The following COL6A6 variants were observed in gnomAD, a reference collection of about 807,000 sequenced individuals.
COL6A6 encodes collagen alpha-6(VI) chain.
In COL6A6, 183 loss-of-function variants were observed where a neutral mutation model predicts 208.6. The ratio of observed to expected loss-of-function variants is 0.88; its 90% confidence interval spans 0.78 to 0.99. The LOEUF (loss-of-function observed/expected upper bound fraction) is 0.99, where lower values mean the gene tolerates loss of function less well. Ranked by LOEUF, COL6A6 falls within the 50% of genes least tolerant of loss-of-function variation. The pLI is 0.00. For missense variants in COL6A6, 2,816 were observed against 2,815.2 expected (o/e 1.00, Z -0.01); for synonymous variants, 973 against 1,011.8 (o/e 0.96, Z 0.73).
rs566858319 is a variant in COL6A6 at position 130,562,554 on chromosome 3, T to C, written c.65-514T>C. 3.9e-5 allele frequency among the ~76,000 whole-genome samples: 6 copies of C among 152,320 alleles called. 1 individual carries two copies. In the South Asian group the frequency reaches 1.2e-3, roughly 32 times the overall value. ...TGTTTGGAATGTACAACTTATATGGTTTTAAGTTAATCAGATAAACTGTTG... is the reference window on the plus strand; with the variant it reads ...TGTTTGGAATGTACAACTTATATGGCTTTAAGTTAATCAGATAAACTGTTG... On this transcript the variant is annotated intron_variant, in intron 2 of 36. Transcript: ENST00000358511.
chr3:130,649,606 G>A (rs1309101282), intron 33 of COL6A6, 44 bp downstream of exon 33: 1 of 1,498,478 alleles, frequency 6.7e-7, no homozygotes, highest in African/African-American at 1.4e-5. Context: ...TACTTATCTT[G>A]CCTGTATTCA....
At chr3:130,557,916 TA>T (rs926480575) in intron 1 of COL6A6, among the ~76,000 whole-genome samples, 7 of 152,188 alleles carry the variant, frequency 4.6e-5, no homozygotes, top group African/African-American at 1.7e-4. Flanking sequence ...CTAGATTTTT[TA>T]AAAAGACCTT....
Position 130,567,085 on chromosome 3 carries a change from C to A in COL6A6, c.1666C>A (p.Pro556Thr). Reference protein sequence around the residue: ...NGMSKDSILEPANRLREEHIR... With the variant: ...NGMSKDSILETANRLREEHIR... ...CATGTCCAAGGATAGCATCTTGGAGCCTGCAAACAGACTGAGAGAAGAGCA... is the reference window on the plus strand; with the variant it reads ...CATGTCCAAGGATAGCATCTTGGAGACTGCAAACAGACTGAGAGAAGAGCA... The change falls in exon 5 of 37, where the codon CCT becomes ACT. Residue 556 changes from proline (P) to threonine (T), a missense_variant. Pro to Thr is a conservative substitution (Grantham distance 38). Coordinates refer to ENST00000358511, the MANE Select transcript of COL6A6 (RefSeq NM_001102608.3). 1 of 1,613,856 alleles carries A rather than the reference C, an allele frequency of 6.2e-7. No individual in the cohort carries two copies. The highest frequency in any genetic ancestry group is 8.5e-7 in the Non-Finnish European group (1 of 1,179,874).
intron 1 of COL6A6, among the ~76,000 whole-genome samples, chr3:130,519,538 T>G (rs115669619): frequency 0.17 from 25,622 of 152,074 alleles, 2,408 homozygotes; most frequent in East Asian, 0.37. Context: ...GCCAAAATTA[T>G]TTTTTTTCCT....
rs755070850 is a variant in COL6A6 at position 130,644,952 on chromosome 3, C to T, written c.5228-39C>T. On this transcript the variant is annotated intron_variant, in intron 31 of 36. Coordinates refer to ENST00000358511, the MANE Select transcript of COL6A6 (RefSeq NM_001102608.3). ...CACGATACAGAACTCTCTTCTCCTA[C>T]CAAATAATAATCCAATCTCCTTTGT... 3 of 1,600,320 alleles carry T rather than the reference C, an allele frequency of 1.9e-6. No individual in the cohort carries two copies. The South Asian group carries it at 3.3e-5, about 18-fold the overall frequency.
rs750212806 is a variant in COL6A6, at chr3:130,570,869, G to A, written c.2453G>A (p.Gly818Asp). The A allele has an allele frequency of 2.5e-6, 4 of 1,613,896 alleles. No individual in the cohort carries two copies. The East Asian group carries it at 8.9e-5, about 36-fold the overall frequency. The change falls in exon 7 of 37, where the codon GGC becomes GAC. Residue 818 changes from glycine (G) to aspartate (D), a missense_variant. Physicochemically the swap from Gly to Asp is moderately conservative, Grantham distance 94. Coordinates refer to ENST00000358511, the MANE Select transcript of COL6A6 (RefSeq NM_001102608.3). ...GTTGTGTTTGTCATTGATAGCTCTG[G>A]CAGTATTGACTATGATGAGTATAAT... ...LDVVFVIDSS[G>D]SIDYDEYNIM...
chr3:130,659,883 CTTCT>C (rs1287948857), intron 34 of COL6A6, among the ~76,000 whole-genome samples: 1 of 152,210 alleles, frequency 6.6e-6, no homozygotes, highest in Admixed American at 6.5e-5. Context: ...AATAACCCCT[CTTCT>C]TTCTGTCTTC....
intron 35 of COL6A6, 143 bp downstream of exon 35, chr3:130,662,451 T>C (rs1427405558): frequency 2.7e-6 from 2 of 749,450 alleles, no homozygotes; most frequent in East Asian, 5.0e-5. Flanking sequence ...AAATATATAA[T>C]GACGGATGGT....
intron 1 of COL6A6, among the ~76,000 whole-genome samples, chr3:130,552,719 C>A (rs1192655430): frequency 6.6e-6 from 1 of 152,156 alleles, no homozygotes; most frequent in Non-Finnish European, 1.5e-5. Context: ...ATTATGCAGA[C>A]TTGTTTGTGT....
chr3:130,554,318 G>C (rs1283623606), intron 1 of COL6A6, among the ~76,000 whole-genome samples: 2 of 152,182 alleles, frequency 1.3e-5, no homozygotes, highest in African/African-American at 4.8e-5. Flanking sequence ...TTTCACAGTG[G>C]CAATGGTGTT....
In COL6A6 at chr3:130,568,251, G is replaced by A. The variant is rs765644654; in HGVS notation, c.2048G>A (p.Ser683Asn). Reference protein sequence around the residue: ...EFQLNRFMSQSDISNAIDQMA... With the variant: ...EFQLNRFMSQNDISNAIDQMA... ...CAGCTCAACAGATTCATGTCCCAAA[G>A]CGACATTTCAAATGCAATAGACCAA... Residue 683 changes from serine (S) to asparagine (N), a missense_variant, in exon 6 of 37, where the codon AGC (serine) becomes AAC (asparagine). Ser to Asn is a conservative substitution (Grantham distance 46). Transcript: ENST00000358511. The A allele has an allele frequency of 1.9e-6, 3 of 1,614,014 alleles. No individual in the cohort carries two copies. The highest frequency in any genetic ancestry group is 1.1e-5 in the South Asian group (1 of 91,072).
chr3:130,593,309 A>T, intron 17 of COL6A6, 57 bp downstream of exon 17: 1 of 1,348,720 alleles, frequency 7.4e-7, no homozygotes, highest in Non-Finnish European at 1.1e-6. Flanking sequence ...GGGTGTGATT[A>T]ACAGAGTAGA....
intron 1 of COL6A6, among the ~76,000 whole-genome samples, chr3:130,559,976 C>T (rs972276528): frequency 6.6e-6 from 1 of 152,162 alleles, no homozygotes; most frequent in African/African-American, 2.4e-5. Context: ...TGTGTCCTAA[C>T]TGTGAACCCT....
chr3:130,619,845 TTGA>T (rs917079116), intron 23 of COL6A6, among the ~76,000 whole-genome samples: 1 of 152,174 alleles, frequency 6.6e-6, no homozygotes, highest in Non-Finnish European at 1.5e-5. Context: ...ATACTATTCC[TTGA>T]TGAAAAGAAA....
chr3:130,586,328 T>C (rs1473046207), intron 10 of COL6A6, among the ~76,000 whole-genome samples, 178 bp from the exon 11 acceptor site: 5 of 152,276 alleles, frequency 3.3e-5, no homozygotes, highest in Non-Finnish European at 5.9e-5. Context: ...ATTCCTTTTG[T>C]ACTCTTATTA....
At chr3:130,627,037 T>A (rs927412354) in intron 25 of COL6A6, among the ~76,000 whole-genome samples, 1 of 152,172 alleles carries the variant, frequency 6.6e-6, no homozygotes, top group Non-Finnish European at 1.5e-5. Context: ...ATATGCCTGA[T>A]TTTTTGTTCA....
At chr3:130,536,391 C>G (rs2062225673) in intron 1 of COL6A6, among the ~76,000 whole-genome samples, 1 of 152,162 alleles carries the variant, frequency 6.6e-6, no homozygotes, top group Non-Finnish European at 1.5e-5. Flanking sequence ...CAGGGTGCAG[C>G]CTGCAAAAAC....
chr3:130,545,395 T>C (rs2062466312), intron 1 of COL6A6, among the ~76,000 whole-genome samples: 1 of 152,028 alleles, frequency 6.6e-6, no homozygotes, highest in South Asian at 2.1e-4. Context: ...AGAAGTTGAA[T>C]GTAATTCTCA....
chr3:130,641,631 T>A (rs758146755), intron 28 of COL6A6, 21 bp from the exon 29 acceptor site: 3 of 1,431,300 alleles, frequency 2.1e-6, no homozygotes, highest in South Asian at 1.3e-5. Context: ...AATACAATTT[T>A]AAAATAAATT....
Sources: allele counts gnomAD v4.1 joint callset (sites outside exome capture counted in the v4.1 genomes callset), GRCh38; gene constraint gnomAD v4.1.1; transcripts MANE v1.5; gene names NCBI Gene and HGNC (gene_info 2026-07-23, HGNC 2026-07-21).